The following CDH8 variants were observed in gnomAD, a reference collection of about 807,000 sequenced individuals.
The protein encoded by CDH8 is cadherin-8.
CDH8 carries 17 observed loss-of-function variants against 68.1 expected under a neutral mutation model. The ratio of observed to expected loss-of-function variants is 0.25; its 90% CI spans 0.17 to 0.37. CDH8 has a LOEUF of 0.37. Ranked by LOEUF, CDH8 falls within the 10% of genes least tolerant of loss-of-function variation. The pLI is 1.00. For missense variants in CDH8, 763 were observed against 999.3 expected (o/e 0.76, Z 3.19); for synonymous variants, 372 against 365.1 (o/e 1.02, Z -0.21).
chr16:61,939,828 C>T (rs1013184301), intron 2 of CDH8, among the ~76,000 whole-genome samples: 7 of 152,128 alleles, frequency 4.6e-5, no homozygotes, highest in African/African-American at 1.7e-4. Flanking sequence ...GGACTATCTG[C>T]CATTTCCAGG....
chr16:62,013,854 G>A (rs1381584130), intron 2 of CDH8, among the ~76,000 whole-genome samples: 1 of 152,032 alleles, frequency 6.6e-6, no homozygotes, highest in Non-Finnish European at 1.5e-5. Flanking sequence ...TATATAATCT[G>A]GTTGTGTCAT....
At chr16:61,706,805 A>T (rs368439388) in intron 10 of CDH8, among the ~76,000 whole-genome samples, 86 of 152,206 alleles carry the variant, frequency 5.7e-4, no homozygotes, top group Middle Eastern at 3.4e-3. Flanking sequence ...AGCATACAAG[A>T]CTTTCATAAG....
chr16:62,029,255 A>C (rs1001076049), intron 1 of CDH8, among the ~76,000 whole-genome samples: 3 of 152,224 alleles, frequency 2.0e-5, no homozygotes, highest in African/African-American at 7.2e-5. Flanking sequence ...TGCTTAACCG[A>C]AAATATTTAC....
intron 9 of CDH8, among the ~76,000 whole-genome samples, chr16:61,714,839 T>TAGTTAACA (rs1964693792): frequency 1.3e-5 from 2 of 151,662 alleles, no homozygotes; most frequent in African/African-American, 4.8e-5. Flanking sequence ...AACAGTGAAA[T>TAGTTAACA]GTTCTCAGGT....
intron 10 of CDH8, among the ~76,000 whole-genome samples, chr16:61,708,581 G>A (rs1964573272): frequency 6.6e-6 from 1 of 152,170 alleles, no homozygotes; most frequent in Non-Finnish European, 1.5e-5. Context: ...GTGACACTAA[G>A]TGTACAGTCA....
chr16:61,651,661 TAA>T lies in CDH8; in HGVS notation c.*1945_*1946del, dbSNP rs1404998338. 6.6e-6 allele frequency: 1 copy of T among 152,200 alleles called. No individual in the cohort carries two copies. The highest frequency in any genetic ancestry group is 6.6e-5 in the Admixed American group (1 of 15,262). The allele number at this position is 152,200 out of a possible 1,614,324, so 9.4% of individuals were successfully genotyped here. ...ATTTTGCCAGGTCCGCACTGCAGTCTAAGACTCTCTTGCCAAATCCTGCTCCC... is the reference window on the plus strand; with the variant it reads ...ATTTTGCCAGGTCCGCACTGCAGTCTGACTCTCTTGCCAAATCCTGCTCCC... On this transcript the variant is annotated 3_prime_UTR_variant, in exon 12 of 12. Coordinates refer to ENST00000577390, the MANE Select transcript of CDH8 (RefSeq NM_001796.5).
chr16:61,948,391 T>C (rs1175780576), intron 2 of CDH8, among the ~76,000 whole-genome samples: 2 of 152,156 alleles, frequency 1.3e-5, no homozygotes, highest in Non-Finnish European at 2.9e-5. Context: ...GTAGACACAC[T>C]ACTCATTCAT....
intron 2 of CDH8, among the ~76,000 whole-genome samples, chr16:61,952,418 T>A (rs992615132): frequency 6.6e-6 from 1 of 152,178 alleles, no homozygotes; most frequent in Non-Finnish European, 1.5e-5. Flanking sequence ...TTGGGCATCA[T>A]GTAAGAATGA....
chr16:61,964,444 G>A (rs925169529), intron 2 of CDH8, among the ~76,000 whole-genome samples: 4 of 151,958 alleles, frequency 2.6e-5, no homozygotes, highest in African/African-American at 4.8e-5. Context: ...CAATCATATC[G>A]TTGGGATGGG....
intron 1 of CDH8, among the ~76,000 whole-genome samples, chr16:62,025,373 T>A (rs994148583): frequency 9.0e-6 from 1 of 111,096 alleles, no homozygotes; most frequent in Non-Finnish European, 1.8e-5. Flanking sequence ...GCCAGTTCTT[T>A]GTGAAGAGAA....
intron 2 of CDH8, 53 bp downstream of exon 2, chr16:62,021,099 A>G: frequency 1.4e-6 from 2 of 1,477,300 alleles, no homozygotes; most frequent in South Asian, 1.2e-5. Context: ...GGTATTAAAC[A>G]TCTTAAGACC....
At chr16:61,911,776 T>A (rs1964167283) in intron 2 of CDH8, among the ~76,000 whole-genome samples, 2 of 151,922 alleles carry the variant, frequency 1.3e-5, no homozygotes, top group Non-Finnish European at 2.9e-5. Context: ...TAATAAATGA[T>A]GAAATAAGAA....
At chr16:61,841,442 C>T (rs1171075669) in intron 4 of CDH8, among the ~76,000 whole-genome samples, 2 of 152,140 alleles carry the variant, frequency 1.3e-5, no homozygotes, top group Admixed American at 6.6e-5. Context: ...ACAAACATCA[C>T]ATGTTCTCAC....
chr16:61,972,206 T>G (rs1416337774), intron 2 of CDH8, among the ~76,000 whole-genome samples: 1 of 152,194 alleles, frequency 6.6e-6, no homozygotes, highest in African/African-American at 2.4e-5. Flanking sequence ...GATGTGACTT[T>G]GCTCCTCCCT....
intron 10 of CDH8, among the ~76,000 whole-genome samples, chr16:61,662,057 CT>C (rs369076807): frequency 0.27 from 26,278 of 98,140 alleles, 2,963 homozygotes; most frequent in Middle Eastern, 0.37. Flanking sequence ...TACATGCACT[CT>C]TTTTTTTTTT....
intron 2 of CDH8, among the ~76,000 whole-genome samples, chr16:61,959,678 AC>A (rs1302339893): frequency 6.6e-6 from 1 of 151,192 alleles, no homozygotes; most frequent in Non-Finnish European, 1.5e-5. Context: ...TTACACCTCA[AC>A]AAATCTTTCT....
At chr16:61,974,910 A>G (rs1028574663) in intron 2 of CDH8, among the ~76,000 whole-genome samples, 2 of 152,144 alleles carry the variant, frequency 1.3e-5, no homozygotes, top group East Asian at 3.9e-4. Flanking sequence ...AACATATGGA[A>G]GGTTTGGGGA....
intron 8 of CDH8, among the ~76,000 whole-genome samples, chr16:61,754,469 A>C (rs1369623300): frequency 6.6e-6 from 1 of 152,118 alleles, no homozygotes; most frequent in Non-Finnish European, 1.5e-5. Context: ...AAGGAAGAAT[A>C]CTACCAGAAG....
In CDH8 at chr16:61,919,032, G is replaced by A. The variant is rs555799316; in HGVS notation, c.253-17559C>T. ...CCTGACCCCCGAGCAGCCTAACTGG[G>A]AGGCACCCCCCAGCAGGGGCATACT... On this transcript the variant is annotated intron_variant, in intron 2 of 11. Coordinates refer to ENST00000577390, the MANE Select transcript of CDH8 (RefSeq NM_001796.5). 4.8e-4 allele frequency among the ~76,000 whole-genome samples: 70 copies of A among 147,216 alleles called. 2 individuals are homozygous for A. Among genetic ancestry groups the A allele is most frequent in the Admixed American group, 1.6e-3 (23 of 14,280 alleles).
Sources: gnomAD v4.1 joint callset for allele counts (sites outside exome capture counted in the v4.1 genomes callset) on GRCh38, gnomAD v4.1.1 for gene constraint, MANE v1.5 for transcripts, NCBI Gene and HGNC (gene_info 2026-07-23, HGNC 2026-07-21) for gene names.